Variants in CPLX2 observed in about 807,000 individuals in gnomAD.
CPLX2 encodes the protein complexin-2.
A neutral mutation model predicts 16.3 loss-of-function variants in CPLX2; 5 were observed. The observed-to-expected ratio is 0.31, with a 90% CI of 0.16 to 0.64. The LOEUF is 0.64. CPLX2 is among the 30% of genes least tolerant of loss of function. The pLI, the probability that CPLX2 is intolerant of heterozygous loss-of-function variation, is 0.79. For missense variants in CPLX2, 144 were observed against 181.4 expected (o/e 0.79, Z 1.18); for synonymous variants, 89 against 73.2 (o/e 1.22, Z -1.10).
chr5:175,843,241 C>T (rs570956421), intron 2 of CPLX2, among the ~76,000 whole-genome samples: 3 of 152,198 alleles, frequency 2.0e-5, no homozygotes, highest in East Asian at 1.9e-4. Flanking sequence ...GCCCCTCTCT[C>T]GAGCTCTGCC....
intron 2 of CPLX2, among the ~76,000 whole-genome samples, chr5:175,857,605 T>C (rs1026286012): frequency 6.6e-6 from 1 of 152,234 alleles, no homozygotes; most frequent in Non-Finnish European, 1.5e-5. Context: ...GTTGGATATA[T>C]CATGTAATTT....
At chr5:175,835,756 T>TG in intron 2 of CPLX2, among the ~76,000 whole-genome samples, 1 of 90,868 alleles carries the variant, frequency 1.1e-5, no homozygotes, top group African/African-American at 5.2e-5. Flanking sequence ...TTTTTTTTTT[T>TG]GAGACAGGAT....
chr5:175,811,297 G>C (rs570472224), intron 2 of CPLX2, among the ~76,000 whole-genome samples: 5 of 152,276 alleles, frequency 3.3e-5, no homozygotes, highest in African/African-American at 1.2e-4. Context: ...TCAGGATTAG[G>C]CTGTTGGTTG....
rs548239837 is a variant in CPLX2, at chr5:175,798,050, G to T, written c.-169+1266G>T. Among the ~76,000 whole-genome samples, 34 of 152,328 alleles carry T rather than the reference G, an allele frequency of 2.2e-4. No individual in the cohort carries two copies. In the South Asian group the frequency reaches 6.2e-3, roughly 28 times the overall value. On this transcript the variant is annotated intron_variant, in intron 1 of 4. Coordinates refer to the CPLX2 transcript ENST00000359546. ...GGTCACTCAGCAATTTAGTAGCAAA[G>T]CTGGGCCTAAAACCCGGGCTCTCTA...
chr5:175,856,741 G>A (rs1759265037), intron 2 of CPLX2, among the ~76,000 whole-genome samples: 1 of 152,160 alleles, frequency 6.6e-6, no homozygotes, highest in South Asian at 2.1e-4. Context: ...GCTGATGAAA[G>A]GACGTGGCAA....
Position 175,827,716 on chromosome 5 carries a change from C to T in CPLX2, c.-89+18648C>T, listed in dbSNP as rs373925997. On this transcript the variant is annotated intron_variant, in intron 2 of 4. Transcript: ENST00000359546. ...CAGAGGTTGCAGTGAGCTGAGATCA[C>T]GCCACTGCACTCCAGCCTGAGTGAC... 1.6e-4 allele frequency among the ~76,000 whole-genome samples: 25 copies of T among 152,112 alleles called. No homozygotes were observed. The East Asian group carries it at 2.7e-3, about 16-fold the overall frequency.
At chr5:175,843,103 C>T (rs542368665) in intron 2 of CPLX2, among the ~76,000 whole-genome samples, 48 of 152,256 alleles carry the variant, frequency 3.2e-4, no homozygotes, top group African/African-American at 9.9e-4. Context: ...TCAGGGTCAG[C>T]GGGTAGGGGA....
intron 2 of CPLX2, among the ~76,000 whole-genome samples, chr5:175,843,384 C>T (rs1043420735): frequency 1.3e-5 from 2 of 152,152 alleles, no homozygotes; most frequent in African/African-American, 4.8e-5. Context: ...TGTGAATGTC[C>T]CCCCAACACA....
intron 2 of CPLX2, among the ~76,000 whole-genome samples, chr5:175,841,861 C>G (rs1462665470): frequency 6.6e-6 from 1 of 152,228 alleles, no homozygotes; most frequent in East Asian, 1.9e-4. Flanking sequence ...GGGTATGATA[C>G]TCACCTTGTA....
At chr5:175,822,079 G>A (rs1758520891) in intron 2 of CPLX2, among the ~76,000 whole-genome samples, 1 of 152,198 alleles carries the variant, frequency 6.6e-6, no homozygotes. Context: ...CTGGAACGTA[G>A]GGAATTTGAA....
intron 2 of CPLX2, among the ~76,000 whole-genome samples, chr5:175,844,758 T>A (rs10866690): frequency 0.8 from 121,880 of 152,222 alleles, 49,057 homozygotes; most frequent in East Asian, 0.97. Context: ...AATGAGTTTT[T>A]AAAAGCAGGG....
At chr5:175,806,327 C>T (rs1758200382) in intron 1 of CPLX2, among the ~76,000 whole-genome samples, 1 of 152,152 alleles carries the variant, frequency 6.6e-6, no homozygotes, top group Non-Finnish European at 1.5e-5. Flanking sequence ...TCACTATCCA[C>T]TTGGCCTCTG....
intron 2 of CPLX2, among the ~76,000 whole-genome samples, chr5:175,843,940 C>T (rs946648256): frequency 2.0e-5 from 3 of 152,248 alleles, no homozygotes; most frequent in Admixed American, 1.3e-4. Flanking sequence ...CCTTTCACCC[C>T]CTACACAGTG....
At chr5:175,874,145 G>A (rs1009898584) in intron 1 of CPLX2, among the ~76,000 whole-genome samples, 2 of 152,172 alleles carry the variant, frequency 1.3e-5, no homozygotes, top group African/African-American at 2.4e-5. Context: ...TGCCCTTTAG[G>A]AAGATTAATT....
chr5:175,881,763 A>G lies in CPLX2; in HGVS notation c.*1718A>G, dbSNP rs1478421081. Reference sequence around the variant, plus strand: ...CTGAGGTCCTCAGAATCCCACTGCAATGGACCCAGGCAGCGCCCCAGGAAG... The same window carrying G: ...CTGAGGTCCTCAGAATCCCACTGCAGTGGACCCAGGCAGCGCCCCAGGAAG... On this transcript the variant is annotated 3_prime_UTR_variant, in exon 4 of 4. Transcript: ENST00000393745. The G allele has an allele frequency of 2.0e-5, 3 of 152,632 alleles. No individual in the cohort carries two copies. Among genetic ancestry groups the G allele is most frequent in the Non-Finnish European group, 4.4e-5 (3 of 68,052 alleles). The allele number at this position is 152,632 out of a possible 1,614,324, so 9.5% of individuals were successfully genotyped here.
At chr5:175,816,493 G>GA (rs1481459028) in intron 2 of CPLX2, among the ~76,000 whole-genome samples, 1 of 152,208 alleles carries the variant, frequency 6.6e-6, no homozygotes, top group African/African-American at 2.4e-5. Flanking sequence ...CCTCAGCCCA[G>GA]AAGTGACACT....
At chr5:175,856,495 G>A (rs10056920) in intron 2 of CPLX2, among the ~76,000 whole-genome samples, 2 of 151,936 alleles carry the variant, frequency 1.3e-5, no homozygotes, top group South Asian at 2.1e-4. Flanking sequence ...GCCACGCTCC[G>A]CGCAGAGCCA....
chr5:175,831,415 C>T (rs2113657761), intron 2 of CPLX2, among the ~76,000 whole-genome samples: 1 of 152,286 alleles, frequency 6.6e-6, no homozygotes, highest in Admixed American at 6.5e-5. Flanking sequence ...ACTCAGTCAC[C>T]CCATTCAGGC....
At chr5:175,870,669 G>T (rs1759570541), upstream of CPLX2, among the ~76,000 whole-genome samples, 1 of 152,188 alleles carries the variant, frequency 6.6e-6, no homozygotes, top group Non-Finnish European at 1.5e-5. Flanking sequence ...GAAAGGCTGG[G>T]GGTGGGAGCA....
Sources: allele counts gnomAD v4.1 joint callset (sites outside exome capture counted in the v4.1 genomes callset), GRCh38; gene constraint gnomAD v4.1.1; transcripts MANE v1.5; gene names NCBI Gene and HGNC (gene_info 2026-07-23, HGNC 2026-07-21).